LRRC4C: variants seen among roughly 807,000 people sequenced by gnomAD.
The protein encoded by LRRC4C is leucine-rich repeat-containing protein 4C.
Under a neutral mutation model 33.6 loss-of-function variants are expected in LRRC4C, and 5 were observed. The observed-to-expected ratio is 0.15, with a 90% CI of 0.08 to 0.31. The LOEUF (loss-of-function observed/expected upper bound fraction) is 0.31. LRRC4C is among the 10% of genes least tolerant of loss of function. The probability of loss-of-function intolerance (pLI) is 1.00; values close to 1 mark genes in which losing one functional copy is unlikely to be tolerated. For synonymous variants in LRRC4C, 329 were observed against 302.0 expected, an observed-to-expected ratio of 1.09 and a Z score of -0.93; for missense variants, 560 against 796.7, an observed-to-expected ratio of 0.70 and a Z score of 3.58.
At chr11:40,380,586 G>A (rs1476903978) in intron 3 of LRRC4C, among the ~76,000 whole-genome samples, 1 of 152,186 alleles carries the variant, frequency 6.6e-6, no homozygotes, top group Non-Finnish European at 1.5e-5. Context: ...GTATAACTGA[G>A]ATAATAACAT....
chr11:41,151,015 A>AAC lies in LRRC4C; in HGVS notation c.-495-217294_-495-217293dup, dbSNP rs150938436. On this transcript the variant is annotated intron_variant, in intron 1 of 6. Coordinates refer to ENST00000528697, the MANE Select transcript of LRRC4C (RefSeq NM_001258419.2). Reference sequence around the variant, plus strand: ...GAACTCCATTCCACCTGCTCCCTGCAACACACACACACACACAGACACACA... The same window carrying AAC: ...GAACTCCATTCCACCTGCTCCCTGCAACACACACACACACACACAGACACACA... Among the ~76,000 whole-genome samples the AAC allele has an allele frequency of 3.7e-4, 55 of 150,500 alleles. 1 individual carries two copies. Among genetic ancestry groups the AAC allele is most frequent in the South Asian group, 1.0e-3 (5 of 4,788 alleles).
intron 2 of LRRC4C, among the ~76,000 whole-genome samples, chr11:40,888,342 T>C (rs1955554986): frequency 6.6e-6 from 1 of 151,988 alleles, no homozygotes; most frequent in African/African-American, 2.4e-5. Context: ...ATCTTGTTCA[T>C]TTGTTTCCAG....
intron 1 of LRRC4C, among the ~76,000 whole-genome samples, chr11:41,261,114 G>T (rs7126369): frequency 0.18 from 27,212 of 151,892 alleles, 3,002 homozygotes; most frequent in East Asian, 0.44. Context: ...AAGACATAGG[G>T]CCTTTAGGTG....
At chr11:40,783,868 T>G (rs1008231704) in intron 2 of LRRC4C, among the ~76,000 whole-genome samples, 1 of 152,130 alleles carries the variant, frequency 6.6e-6, no homozygotes, top group Admixed American at 6.6e-5. Flanking sequence ...TTCTGCAAGA[T>G]GAGCCCAGAA....
intron 1 of LRRC4C, among the ~76,000 whole-genome samples, chr11:41,277,949 G>T (rs772955445): frequency 2.6e-5 from 4 of 151,854 alleles, no homozygotes; most frequent in Admixed American, 2.6e-4. Flanking sequence ...GACAAATAAC[G>T]CGTGATCCCA....
intron 2 of LRRC4C, among the ~76,000 whole-genome samples, chr11:40,812,863 A>G (rs980813518): frequency 6.6e-6 from 1 of 152,176 alleles, no homozygotes; most frequent in South Asian, 2.1e-4. Context: ...ATTTGGATAA[A>G]AAAAGAGAAG....
chr11:40,727,723 C>G (rs1342552541), intron 2 of LRRC4C, among the ~76,000 whole-genome samples: 2 of 152,060 alleles, frequency 1.3e-5, no homozygotes, highest in Non-Finnish European at 2.9e-5. Context: ...AACATATAAC[C>G]CTATTACAAG....
chr11:41,438,458 T>C (rs1955511975), intron 1 of LRRC4C, among the ~76,000 whole-genome samples: 2 of 152,150 alleles, frequency 1.3e-5, no homozygotes, highest in Non-Finnish European at 2.9e-5. Flanking sequence ...TTGTAGAAAG[T>C]CCTAGTTCAG....
chr11:40,291,931 C>CTT (rs113937225), intron 4 of LRRC4C, among the ~76,000 whole-genome samples: 1 of 143,882 alleles, frequency 7.0e-6, no homozygotes, highest in African/African-American at 2.5e-5. Context: ...TCTTGGGGAG[C>CTT]TTTTTTTTTT....
intron 4 of LRRC4C, among the ~76,000 whole-genome samples, chr11:40,255,149 T>C (rs1214091902): frequency 6.6e-6 from 1 of 152,046 alleles, no homozygotes; most frequent in Non-Finnish European, 1.5e-5. Context: ...AGAGTCCCAG[T>C]CAATCAGGGA....
chr11:40,375,359 T>C (rs779136333), intron 3 of LRRC4C, among the ~76,000 whole-genome samples: 4 of 152,168 alleles, frequency 2.6e-5, no homozygotes, highest in African/African-American at 7.2e-5. Context: ...AAAATGAATC[T>C]TCTCTTTAAC....
intron 1 of LRRC4C, among the ~76,000 whole-genome samples, chr11:40,966,122 A>G (rs1851341568): frequency 2.0e-5 from 3 of 152,000 alleles, no homozygotes; most frequent in Admixed American, 2.0e-4. Context: ...AGAATCTAAT[A>G]GAAGTATTTG....
chr11:41,242,097 A>T (rs1437174262), intron 1 of LRRC4C, among the ~76,000 whole-genome samples: 2 of 152,076 alleles, frequency 1.3e-5, no homozygotes, highest in East Asian at 3.8e-4. Context: ...ACTCTCTAAC[A>T]TATAGTATTT....
intron 2 of LRRC4C, among the ~76,000 whole-genome samples, chr11:40,679,539 G>T (rs1944572428): frequency 6.6e-6 from 1 of 152,200 alleles, no homozygotes. Flanking sequence ...CCTCTGCTGT[G>T]TGCAGTCTAG....
chr11:41,109,886 GT>G lies in LRRC4C; in HGVS notation c.-495-176164del, dbSNP rs1283817327. On this transcript the variant is annotated intron_variant, in intron 1 of 6. Transcript: ENST00000528697. ...CTTTCCTCAACTTTAAGGTGTTTGG[GT>G]TTTTTTGTCTTGTAGTATTGCTTTT... Among the ~76,000 whole-genome samples, 5 of 152,002 alleles carry G rather than the reference GT, an allele frequency of 3.3e-5. No individual in the cohort carries two copies. The South Asian group carries it at 8.3e-4, about 25-fold the overall frequency.
chr11:40,806,807 C>T (rs960577685), intron 2 of LRRC4C, among the ~76,000 whole-genome samples: 1 of 152,124 alleles, frequency 6.6e-6, no homozygotes, highest in East Asian at 1.9e-4. Context: ...TTCTCAAAAA[C>T]ATACCACTAT....
chr11:40,204,975 C>G (rs1413560931), intron 5 of LRRC4C, among the ~76,000 whole-genome samples: 3 of 152,226 alleles, frequency 2.0e-5, no homozygotes, highest in African/African-American at 4.8e-5. Flanking sequence ...CAAGGAAGCA[C>G]AATCTGTCTC....
At chr11:40,679,339 C>A (rs957988642) in intron 2 of LRRC4C, among the ~76,000 whole-genome samples, 1 of 152,166 alleles carries the variant, frequency 6.6e-6, no homozygotes, top group Non-Finnish European at 1.5e-5. Context: ...GAAAGAAAAC[C>A]CCATTCTCTG....
chr11:40,369,031 G>A (rs6485192), intron 3 of LRRC4C, among the ~76,000 whole-genome samples: 4,758 of 152,248 alleles, frequency 0.031, 234 homozygotes, highest in African/African-American at 0.1. Flanking sequence ...GATAATGGTT[G>A]ATACATAATA....
Sources: gnomAD v4.1 joint callset for allele counts (sites outside exome capture counted in the v4.1 genomes callset) on GRCh38, gnomAD v4.1.1 for gene constraint, MANE v1.5 for transcripts, NCBI Gene and HGNC (gene_info 2026-07-23, HGNC 2026-07-21) for gene names.